Variants in VIRMA observed in about 807,000 individuals in gnomAD.
VIRMA encodes vir like m6A methyltransferase associated.
A neutral mutation model predicts 182.4 loss-of-function variants in VIRMA; 65 were observed. The observed-to-expected ratio is 0.36, with a 90% CI of 0.29 to 0.44. VIRMA has a LOEUF of 0.44. Among genes scored for constraint, VIRMA ranks in the 20% least tolerant of loss-of-function variants. VIRMA has a pLI of 1.00. For synonymous variants in VIRMA, 709 were observed against 743.1 expected, an observed-to-expected ratio of 0.95 and a Z score of 0.75; for missense variants, 1,752 against 2,158.1, an observed-to-expected ratio of 0.81 and a Z score of 3.73.
intron 7 of VIRMA, among the ~76,000 whole-genome samples, chr8:94,527,569 G>A (rs1563473691): frequency 6.6e-6 from 1 of 152,022 alleles, no homozygotes; most frequent in South Asian, 2.1e-4. Context: ...TTCCTGAAAG[G>A]GGTGAGACCT....
Position 94,526,763 on chromosome 8 carries a change from T to C in VIRMA, c.1481A>G (p.His494Arg). 6.2e-7 allele frequency: 1 copy of C among 1,614,064 alleles called. No individual in the cohort carries two copies. The highest frequency in any genetic ancestry group is 8.5e-7 in the Non-Finnish European group (1 of 1,180,022). The stretch of plus-strand genomic sequence containing the variant: ...ATTTAACTTAAGAGAAGATGATACG[T>C]GATCAGCAAACAGAAGTTCAAATAA... Reference protein sequence around the residue: ...SGLFELLFADHVSSSLKLNAF... With the variant: ...SGLFELLFADRVSSSLKLNAF... Residue 494 changes from histidine to arginine, a missense_variant, in exon 8 of 24, where the codon CAC becomes CGC. His to Arg is a conservative substitution (Grantham distance 29). Around this residue, in one of 11 missense-constraint regions of VIRMA, gnomAD observed 401 missense variants for 455.1 expected, o/e 0.88. Coordinates refer to ENST00000297591, the MANE Select transcript of VIRMA (RefSeq NM_015496.5).
Position 94,514,884 on chromosome 8 carries a change from A to G in VIRMA, c.2736T>C (p.Ile912=). ...RFEINCIPNL[I]EYVKQNIDNL... ...TTACACTTACCTGCTTAACATACTC[A>G]ATTAAGTTTGGGATGCAGTTAATTT... The change falls in exon 11 of 24, where the codon ATT becomes ATC. Residue 912 remains isoleucine, a synonymous_variant. Transcript: ENST00000297591. 6.3e-7 allele frequency: 1 copy of G among 1,579,838 alleles called. No homozygotes were observed. Among genetic ancestry groups the G allele is most frequent in the Non-Finnish European group, 8.6e-7 (1 of 1,156,264 alleles).
chr8:94,519,225 G>A lies in VIRMA; in HGVS notation c.2273C>T (p.Ala758Val). The A allele has an allele frequency of 6.2e-7, 1 of 1,614,120 alleles. No homozygotes were observed. ...CTGTGTTGAGTCCTGTAGCCACAAG[G>A]CAAATGCATCATCAATAACACCATC... is the stretch of plus-strand genomic sequence containing the variant. ...QSDGVIDDAF[A>V]LWLQDSTQTL... The change falls in exon 9 of 24, where the codon GCC (alanine) becomes GTC (valine). Residue 758 changes from alanine to valine, a missense_variant. Ala to Val is a moderately conservative substitution (Grantham distance 64). Transcript: ENST00000297591.
Position 94,526,258 on chromosome 8 carries a change from A to G in VIRMA, c.1986T>C (p.Pro662=). ...CAGGGTATGGATCATCCCTCTCTGGAGGTCCAGTAATTCGTGCCATCGTTG... is the reference window on the plus strand; with the variant it reads ...CAGGGTATGGATCATCCCTCTCTGGGGGTCCAGTAATTCGTGCCATCGTTG... ...SFPTMARITG[P]PERDDPYPVL... is the part of the protein sequence containing the mutation. Residue 662 remains proline (P), a synonymous_variant, in exon 8 of 24, where the codon CCT becomes CCC. Coordinates refer to ENST00000297591, the MANE Select transcript of VIRMA (RefSeq NM_015496.5). The G allele has an allele frequency of 6.2e-7, 1 of 1,613,454 alleles. No individual in the cohort carries two copies. The highest frequency in any genetic ancestry group is 8.5e-7 in the Non-Finnish European group (1 of 1,179,668).
At chr8:94,526,106 C>G (rs1814952659) in intron 8 of VIRMA, 117 bp downstream of exon 8, 1 of 731,242 alleles carries the variant, frequency 1.4e-6, no homozygotes, top group Non-Finnish European at 2.3e-6. Context: ...TTTGAAATAT[C>G]AAGTATCCTT....
rs752508998 is a variant in VIRMA, at chr8:94,526,838, C to A, written c.1406G>T (p.Cys469Phe). The change falls in exon 8 of 24, where the codon TGT becomes TTT. Residue 469 changes from cysteine to phenylalanine, a missense_variant. By Grantham distance (205) the Cys-to-Phe change is radical. This residue lies in a region of VIRMA where 401 missense variants were observed against 455.1 expected (regional missense o/e 0.88). Coordinates refer to ENST00000297591, the MANE Select transcript of VIRMA (RefSeq NM_015496.5). ...CAGTCCTGTAACTCCTTGAGCCCCACATTCTGCTAGTGAGGACACTAATTT... is the reference window on the plus strand; with the variant it reads ...CAGTCCTGTAACTCCTTGAGCCCCAAATTCTGCTAGTGAGGACACTAATTT... ...GTKLVSSLAE[C>F]GAQGVTGLLQ... 1.2e-6 allele frequency: 2 copies of A among 1,614,108 alleles called. No individual in the cohort carries two copies. Among genetic ancestry groups the A allele is most frequent in the Non-Finnish European group, 1.7e-6 (2 of 1,180,044 alleles).
At chr8:94,529,718 C>A (rs1815096096) in intron 6 of VIRMA, among the ~76,000 whole-genome samples, 1 of 152,102 alleles carries the variant, frequency 6.6e-6, no homozygotes, top group African/African-American at 2.4e-5. Flanking sequence ...CGGCTCACTG[C>A]AACCTCCGCC....
chr8:94,536,318 C>G (rs3102864), intron 4 of VIRMA, among the ~76,000 whole-genome samples: 18,425 of 152,122 alleles, frequency 0.12, 1,629 homozygotes, highest in African/African-American at 0.24. Flanking sequence ...CCCATCCCCC[C>G]CAAAACCAAA....
Position 94,510,563 on chromosome 8 carries a change from T to C in VIRMA, c.3480A>G (p.Glu1160=), listed in dbSNP as rs114650711. 418 of 1,614,180 alleles carry C rather than the reference T, an allele frequency of 2.6e-4. 2 individuals carry two copies. In the African/African-American group the frequency reaches 4.8e-3, roughly 19 times the overall value. ...HLHVQAKLLQ[E]IVRSFSGTTC... ...TTGTGCCAGAGAAAGAGCGAACTAT[T>C]TCTTGGAGCAACTTTGCTTGAACAT... Residue 1160 remains glutamate (E), a synonymous_variant, in exon 14 of 24, where the codon GAA becomes GAG. Transcript: ENST00000297591.
chr8:94,517,146 T>G (rs1337382564), intron 10 of VIRMA, among the ~76,000 whole-genome samples: 7 of 152,238 alleles, frequency 4.6e-5, no homozygotes, highest in Admixed American at 4.6e-4. Context: ...GTTTGTGTTT[T>G]ATGTAGAAAT....
At chr8:94,504,152 C>T (rs1290831330) in intron 16 of VIRMA, among the ~76,000 whole-genome samples, 6 of 150,738 alleles carry the variant, frequency 4.0e-5, no homozygotes, top group South Asian at 4.2e-4. Context: ...CCAACCCGGG[C>T]GATAGAGCAA....
intron 16 of VIRMA, among the ~76,000 whole-genome samples, chr8:94,506,056 G>A (rs879794264): frequency 7.9e-5 from 12 of 152,224 alleles, no homozygotes; most frequent in East Asian, 1.9e-4. Context: ...ATACTGTACC[G>A]TTTTATATAA....
intron 8 of VIRMA, among the ~76,000 whole-genome samples, chr8:94,521,270 C>T (rs1021580774): frequency 6.6e-6 from 1 of 152,078 alleles, no homozygotes; most frequent in East Asian, 1.9e-4. Context: ...GTGTTCTCAC[C>T]GTTCAGCTCC....
chr8:94,534,819 A>AG lies in VIRMA; in HGVS notation c.484+19dup. ...CACGGATATAAGTTTCACTTGCAAA[A>AG]GCAAATTTAAAATTCTCACCATGTT... On this transcript the variant is annotated intron_variant, in intron 5 of 23. Transcript: ENST00000297591. 6.2e-7 allele frequency: 1 copy of AG among 1,610,130 alleles called. No individual in the cohort carries two copies. Among genetic ancestry groups the AG allele is most frequent in the Non-Finnish European group, 8.5e-7 (1 of 1,179,038 alleles).
At chr8:94,518,006 A>C in intron 9 of VIRMA, 64 bp from the exon 10 acceptor site, 1 of 1,328,816 alleles carries the variant, frequency 7.5e-7, no homozygotes, top group Non-Finnish European at 1.0e-6. Context: ...CAATTTTTAA[A>C]AATTTTCTTC....
chr8:94,509,810 C>T lies in VIRMA; in HGVS notation c.3757G>A (p.Asp1253Asn). Residue 1253 changes from aspartate (D) to asparagine (N), a missense_variant, in exon 15 of 24, where the codon GAT (aspartate) becomes AAT (asparagine). Transcript: ENST00000297591. Reference protein sequence around the residue: ...LHLINGTIKGDERYAEIFQDL... With the variant: ...LHLINGTIKGNERYAEIFQDL... ...TGGAATATCTCTGCATATCTTTCAT[C>T]ACCTTTAATAGTTCCATTAATTAGA... 6.2e-7 allele frequency: 1 copy of T among 1,614,112 alleles called. No homozygotes were observed. Among genetic ancestry groups the T allele is most frequent in the East Asian group, 2.2e-5 (1 of 44,870 alleles).
intron 3 of VIRMA, among the ~76,000 whole-genome samples, chr8:94,537,572 TAA>T: frequency 1.3e-5 from 2 of 151,390 alleles, no homozygotes; most frequent in Admixed American, 1.3e-4. Flanking sequence ...GCCCTTCATT[TAA>T]AAAAAAAGTT....
intron 8 of VIRMA, 101 bp downstream of exon 8, chr8:94,526,122 T>C (rs1185883483): frequency 1.1e-5 from 9 of 850,600 alleles, no homozygotes; most frequent in Non-Finnish European, 1.7e-5. Flanking sequence ...TCCTTACACA[T>C]AAATAAGTTA....
In VIRMA at chr8:94,495,843, C is replaced by A; in HGVS notation, c.4432G>T (p.Val1478Phe). 1 of 1,613,856 alleles carries A rather than the reference C, an allele frequency of 6.2e-7. No homozygotes were observed. The highest frequency in any genetic ancestry group is 8.5e-7 in the Non-Finnish European group (1 of 1,179,842). Residue 1478 changes from valine to phenylalanine, a missense_variant, in exon 19 of 24, where the codon GTT (valine) becomes TTT (phenylalanine). By Grantham distance (50) the Val-to-Phe change is conservative (BLOSUM62 -1). Transcript: ENST00000297591. ...DNLDSLLDSV[V>F]GLKQMLESSG... ...GACTCCAGCATCTGCTTAAGTCCAA[C>A]TACACTGTCCAACAAAGAATCCAGA...
Sources: allele counts gnomAD v4.1 joint callset (sites outside exome capture counted in the v4.1 genomes callset), GRCh38; gene constraint gnomAD v4.1.1; regional missense constraint gnomAD v4.1.1; transcripts MANE v1.5; gene names NCBI Gene and HGNC (gene_info 2026-07-23, HGNC 2026-07-21).